The following GRM8 variants were observed in gnomAD, a reference collection of about 807,000 sequenced individuals.
GRM8 encodes the protein metabotropic glutamate receptor 8.
Under a neutral mutation model 87.2 loss-of-function variants are expected in GRM8, and 47 were observed. The ratio of observed to expected loss-of-function variants is 0.54; its 90% confidence interval spans 0.43 to 0.69. GRM8 has a LOEUF of 0.69. Among genes scored for constraint, GRM8 ranks in the 30% least tolerant of loss-of-function variants. The probability of loss-of-function intolerance (pLI) is 0.00; values close to 1 mark genes in which losing one functional copy is unlikely to be tolerated. For synonymous variants in GRM8, 396 were observed against 404.5 expected (o/e 0.98, Z 0.25); for missense variants, 1,019 against 1,139.2 (o/e 0.89, Z 1.52).
chr7:126,630,153 C>A (rs1352564909), intron 7 of GRM8, among the ~76,000 whole-genome samples: 3 of 151,612 alleles, frequency 2.0e-5, no homozygotes, highest in African/African-American at 7.2e-5. Context: ...ACAATAGCCT[C>A]CAAAGATTTA....
At chr7:127,228,938 A>G (rs535686392) in intron 2 of GRM8, 1 of 152,336 alleles carries the variant, frequency 6.6e-6, no homozygotes, top group Non-Finnish European at 1.5e-5. Flanking sequence ...TGAAATATTA[A>G]CGCTATTAAT....
intron 6 of GRM8, among the ~76,000 whole-genome samples, chr7:126,816,391 TTTTAA>T (rs910265698): frequency 2.6e-5 from 4 of 152,108 alleles, no homozygotes; most frequent in African/African-American, 7.2e-5. Flanking sequence ...ATTTAGGTAG[TTTTAA>T]TTTATTTTCA....
intron 6 of GRM8, among the ~76,000 whole-genome samples, chr7:126,778,868 A>G (rs1819757966): frequency 6.6e-6 from 1 of 152,108 alleles, no homozygotes; most frequent in Non-Finnish European, 1.5e-5. Flanking sequence ...AAAGTAATAC[A>G]TATTAATACT....
chr7:126,531,627 G>A (rs1814836055), intron 9 of GRM8, among the ~76,000 whole-genome samples: 1 of 152,162 alleles, frequency 6.6e-6, no homozygotes, highest in Non-Finnish European at 1.5e-5. Flanking sequence ...CAATGTTATT[G>A]TTCTGAGAGA....
chr7:126,491,715 T>C (rs1447744511), intron 9 of GRM8, among the ~76,000 whole-genome samples: 6 of 152,092 alleles, frequency 3.9e-5, no homozygotes, highest in Non-Finnish European at 8.8e-5. Flanking sequence ...TGTAAAACCA[T>C]GTTAACAATA....
Position 126,481,434 on chromosome 7 carries a change from A to C in GRM8, c.2431-35062T>G, listed in dbSNP as rs1451772935. On this transcript the variant is annotated intron_variant, in intron 9 of 10. Transcript: ENST00000339582. ...AAAAAGCTACCTTAAGCAAATAAGC[A>C]AGGTTCATTCACATGTAATAAAACA... Among the ~76,000 whole-genome samples, 3 of 152,100 alleles carry C rather than the reference A, an allele frequency of 2.0e-5. No individual in the cohort carries two copies. In the East Asian group the frequency reaches 5.8e-4, roughly 29 times the overall value.
intron 8 of GRM8, among the ~76,000 whole-genome samples, chr7:126,547,886 A>C (rs1298306745): frequency 7.0e-6 from 1 of 142,124 alleles, no homozygotes; most frequent in African/African-American, 2.6e-5. Flanking sequence ...GGAGAACGAA[A>C]GAAACAAAAT....
chr7:126,707,657 G>T (rs1287560853), intron 7 of GRM8, among the ~76,000 whole-genome samples: 1 of 152,126 alleles, frequency 6.6e-6, no homozygotes, highest in Non-Finnish European at 1.5e-5. Context: ...AATAAGGAAA[G>T]AAAGTCTCTT....
intron 6 of GRM8, among the ~76,000 whole-genome samples, chr7:126,817,765 A>C (rs1007712287): frequency 2.0e-5 from 3 of 152,142 alleles, no homozygotes; most frequent in Admixed American, 1.3e-4. Context: ...TTTATGAGTC[A>C]ATAACCCACC....
intron 9 of GRM8, among the ~76,000 whole-genome samples, chr7:126,483,766 TC>T (rs1563057750): frequency 7.8e-3 from 372 of 47,716 alleles, no homozygotes; most frequent in African/African-American, 0.029. Flanking sequence ...CCTCCCTCCC[TC>T]CCTCCCTTCC....
At chr7:126,708,873 C>T (rs10280247) in intron 7 of GRM8, among the ~76,000 whole-genome samples, 73,786 of 151,718 alleles carry the variant, frequency 0.49, 19,724 homozygotes, top group African/African-American at 0.72. Flanking sequence ...AAATTTTAGA[C>T]AGGAAGATTA....
intron 3 of GRM8, among the ~76,000 whole-genome samples, chr7:126,932,525 T>C (rs1805866375): frequency 1.3e-5 from 2 of 152,296 alleles, no homozygotes; most frequent in South Asian, 4.1e-4. Flanking sequence ...AAAATTATTT[T>C]ATAAAAGCAT....
At position 126,438,951 on chromosome 7, in the gene GRM8, C is replaced by T. The variant is rs1438302554; in HGVS notation, c.*168G>A. 6.9e-6 allele frequency: 4 copies of T among 578,976 alleles called. No individual in the cohort carries two copies. The highest frequency in any genetic ancestry group is 2.4e-5 in the South Asian group (1 of 42,112). 35.9% of individuals were successfully genotyped at this position (578,976 alleles called of 1,614,324 possible). On this transcript the variant is annotated 3_prime_UTR_variant, in exon 11 of 11. Coordinates refer to ENST00000339582, the MANE Select transcript of GRM8 (RefSeq NM_000845.3). Reference sequence around the variant, plus strand: ...GTATAAAACGGGTTTCTTCACTCCCCGTTTATTGATACTTTTGGCTCATGG... The same window carrying T: ...GTATAAAACGGGTTTCTTCACTCCCTGTTTATTGATACTTTTGGCTCATGG...
At chr7:127,010,751 C>G (rs1814805818) in intron 3 of GRM8, among the ~76,000 whole-genome samples, 2 of 152,056 alleles carry the variant, frequency 1.3e-5, no homozygotes, top group South Asian at 4.1e-4. Context: ...AAATGCTTAT[C>G]AATCACTCAG....
intron 7 of GRM8, among the ~76,000 whole-genome samples, chr7:126,657,417 C>A (rs1381379895): frequency 1.3e-5 from 2 of 151,704 alleles, no homozygotes; most frequent in African/African-American, 4.9e-5. Context: ...TAAAAACAAC[C>A]CCCCCCCAAA....
In GRM8 at chr7:126,511,983, G is replaced by T. The variant is rs183309046; in HGVS notation, c.2430+20969C>A. 2.6e-5 allele frequency: 4 copies of T among 152,224 alleles called. No homozygotes were observed. In the East Asian group the frequency reaches 7.7e-4, roughly 29 times the overall value. 9.4% of individuals were successfully genotyped at this position (152,224 alleles called of 1,614,324 possible). On this transcript the variant is annotated intron_variant, in intron 9 of 10. Transcript: ENST00000339582. ...TAAGTCCTGAAAAGGCAGAGAATTA[G>T]CCGGTGTAGGAAGCTGAGTCTCAAA...
Position 126,535,562 on chromosome 7 carries a change from C to T in GRM8, c.1495-1675G>A, listed in dbSNP as rs184565814. Among the ~76,000 whole-genome samples the T allele has an allele frequency of 2.6e-4, 40 of 152,316 alleles. No individual in the cohort carries two copies. In the East Asian group the frequency reaches 7.1e-3, roughly 27 times the overall value. ...AGTTCTGCAATTGTGTTTATACCTA[C>T]TTTCAATTGCATGCAGAGTAAGGGG... On this transcript the variant is annotated intron_variant, in intron 8 of 10. Coordinates refer to ENST00000339582, the MANE Select transcript of GRM8 (RefSeq NM_000845.3).
chr7:126,529,547 G>C (rs1814465051), intron 9 of GRM8, among the ~76,000 whole-genome samples: 1 of 152,156 alleles, frequency 6.6e-6, no homozygotes, highest in South Asian at 2.1e-4. Flanking sequence ...AGATTTATTG[G>C]AGGTTTTTTC....
intron 3 of GRM8, among the ~76,000 whole-genome samples, chr7:126,950,408 TCTGGA>T (rs1808009146): frequency 2.6e-5 from 4 of 152,188 alleles, no homozygotes; most frequent in Admixed American, 2.0e-4. Context: ...TAGAAAATTA[TCTGGA>T]AGAATTGGTA....
Sources: gnomAD v4.1 joint callset for allele counts (sites outside exome capture counted in the v4.1 genomes callset) on GRCh38, gnomAD v4.1.1 for gene constraint, MANE v1.5 for transcripts, NCBI Gene and HGNC (gene_info 2026-07-23, HGNC 2026-07-21) for gene names.